TENM2: variants seen among roughly 807,000 people sequenced by gnomAD.
TENM2 encodes the protein teneurin-2.
TENM2 carries 52 observed loss-of-function variants against 245.2 expected under a neutral mutation model. The ratio of observed to expected loss-of-function variants is 0.21; its 90% CI spans 0.17 to 0.27. The LOEUF (loss-of-function observed/expected upper bound fraction) is 0.27, where lower values mean the gene tolerates loss of function less well. TENM2 is among the 10% of genes least tolerant of loss of function. The pLI is 1.00. For synonymous variants in TENM2, 1,363 were observed against 1,438.9 expected (o/e 0.95, Z 1.19); for missense variants, 3,046 against 3,666.8 (o/e 0.83, Z 4.37).
chr5:167,062,224 C>T, the TENM2 span, among the ~76,000 whole-genome samples: 3 of 152,024 alleles, frequency 2.0e-5, no homozygotes, highest in African/African-American at 7.2e-5. Flanking sequence ...TTTGTTGTTG[C>T]TCTTTATCTT....
chr5:168,245,082 G>A (rs1223011332), intron 26 of TENM2, among the ~76,000 whole-genome samples: 5 of 151,942 alleles, frequency 3.3e-5, no homozygotes, highest in Admixed American at 2.0e-4. Context: ...TGCTGCTCTT[G>A]TAAGCTAGCC....
At chr5:167,031,096 A>G in the TENM2 span, among the ~76,000 whole-genome samples, 418 of 152,324 alleles carry the variant, frequency 2.7e-3, no homozygotes, top group African/African-American at 9.6e-3. Context: ...CCAGAAAGAC[A>G]TTTGGAAGCC....
At chr5:167,995,370 T>C (rs1286938341) in intron 5 of TENM2, among the ~76,000 whole-genome samples, 1 of 152,248 alleles carries the variant, frequency 6.6e-6, no homozygotes, top group East Asian at 1.9e-4. Context: ...CTGAGCATCT[T>C]AGCATCGTTT....
In TENM2 at chr5:167,819,570, C is replaced by T. The variant is rs1767337331; in HGVS notation, c.503-56416C>T. On this transcript the variant is annotated intron_variant, in intron 2 of 28. Transcript: ENST00000518659. ...GTCACCTCTGCCTGCCAAGCAGGGA[C>T]TCTCTAGCTAGACACTGGGGGAATT... 2.0e-5 allele frequency among the ~76,000 whole-genome samples: 3 copies of T among 152,178 alleles called. 1 individual carries two copies. In the South Asian group the frequency reaches 6.2e-4, roughly 32 times the overall value.
chr5:167,494,827 C>T (rs1441071370), intron 2 of TENM2, among the ~76,000 whole-genome samples: 1 of 151,824 alleles, frequency 6.6e-6, no homozygotes, highest in African/African-American at 2.4e-5. Flanking sequence ...AACAGATGAC[C>T]CCAGATAAAA....
At chr5:168,223,938 T>G (rs530744957) in intron 23 of TENM2, among the ~76,000 whole-genome samples, 1 of 151,150 alleles carries the variant, frequency 6.6e-6, no homozygotes, top group Non-Finnish European at 1.5e-5. Context: ...AAAAAGCTAC[T>G]GTCAAGGGAG....
At chr5:167,275,725 A>T in the TENM2 span, among the ~76,000 whole-genome samples, 2 of 152,044 alleles carry the variant, frequency 1.3e-5, no homozygotes, top group Non-Finnish European at 2.9e-5. Flanking sequence ...ACTTCGAGGA[A>T]CTTGCTTATA....
chr5:167,443,145 G>A (rs916148643), intron 2 of TENM2, among the ~76,000 whole-genome samples: 5 of 152,092 alleles, frequency 3.3e-5, no homozygotes, highest in Non-Finnish European at 7.4e-5. Flanking sequence ...TCTTCCAAGT[G>A]GTGAGGACAT....
chr5:167,855,294 C>A (rs1770962196), intron 2 of TENM2, among the ~76,000 whole-genome samples: 1 of 152,072 alleles, frequency 6.6e-6, no homozygotes, highest in South Asian at 2.1e-4. Flanking sequence ...GGAGGTCTTC[C>A]CTGATGACCT....
At chr5:167,557,936 G>T (rs908602287) in intron 2 of TENM2, among the ~76,000 whole-genome samples, 2 of 152,180 alleles carry the variant, frequency 1.3e-5, no homozygotes, top group African/African-American at 4.8e-5. Flanking sequence ...TTTGAACCTT[G>T]GAGAAAATAT....
the TENM2 span, among the ~76,000 whole-genome samples, chr5:166,979,103 T>G: frequency 6.6e-6 from 1 of 151,936 alleles, no homozygotes; most frequent in African/African-American, 2.4e-5. Context: ...CAGAGCAGGT[T>G]GCACATTGGT....
intron 4 of TENM2, among the ~76,000 whole-genome samples, chr5:167,970,999 G>C (rs965299997): frequency 6.6e-6 from 1 of 152,030 alleles, no homozygotes; most frequent in Admixed American, 6.6e-5. Flanking sequence ...ACTACTATTT[G>C]CTTTGTCTTT....
intron 2 of TENM2, among the ~76,000 whole-genome samples, chr5:167,860,167 C>A (rs1583209748): frequency 1.8e-5 from 2 of 112,756 alleles, no homozygotes; most frequent in Admixed American, 8.4e-5. Context: ...CCCGGCCAGC[C>A]GCCCCGTCCG....
chr5:167,769,992 A>G (rs1374426333), intron 2 of TENM2, among the ~76,000 whole-genome samples: 1 of 152,184 alleles, frequency 6.6e-6, no homozygotes, highest in Non-Finnish European at 1.5e-5. Context: ...GGGAAATTCA[A>G]AGCTACTTTC....
At chr5:167,642,208 C>T (rs1292886617) in intron 2 of TENM2, among the ~76,000 whole-genome samples, 2 of 151,502 alleles carry the variant, frequency 1.3e-5, no homozygotes, top group African/African-American at 4.8e-5. Flanking sequence ...CCATTTTCAT[C>T]CTCCTTTAGG....
chr5:167,470,454 C>CTTTTTCTTTTTT (rs1766941067), intron 2 of TENM2, among the ~76,000 whole-genome samples: 1 of 47,394 alleles, frequency 2.1e-5, no homozygotes, highest in Non-Finnish European at 3.6e-5. Context: ...GCAATGCTTG[C>CTTTTTCTTTTTT]TTTTTTTTTT....
chr5:167,011,812 A>G, the TENM2 span, among the ~76,000 whole-genome samples: 1 of 152,208 alleles, frequency 6.6e-6, no homozygotes, highest in Non-Finnish European at 1.5e-5. Flanking sequence ...AAGTAATGTT[A>G]GTAGTATAGA....
At chr5:167,444,292 T>TACAC (rs1403343870) in intron 2 of TENM2, among the ~76,000 whole-genome samples, 1 of 47,330 alleles carries the variant, frequency 2.1e-5, no homozygotes, top group Non-Finnish European at 4.5e-5. Context: ...CATGCACACA[T>TACAC]ACACATACAC....
At chr5:167,426,893 A>G (rs965667813) in intron 2 of TENM2, among the ~76,000 whole-genome samples, 1 of 152,180 alleles carries the variant, frequency 6.6e-6, no homozygotes, top group Non-Finnish European at 1.5e-5. Context: ...TTTCACTACA[A>G]AAACCTCCAT....
Sources: gnomAD v4.1 joint callset for allele counts (sites outside exome capture counted in the v4.1 genomes callset) on GRCh38, gnomAD v4.1.1 for gene constraint, MANE v1.5 for transcripts, NCBI Gene and HGNC (gene_info 2026-07-23, HGNC 2026-07-21) for gene names.